STXBP5L: variants seen among roughly 807,000 people sequenced by gnomAD.
The protein encoded by STXBP5L is syntaxin-binding protein 5-like.
Under a neutral mutation model 144.5 loss-of-function variants are expected in STXBP5L, and 65 were observed. The ratio of observed to expected loss-of-function variants is 0.45; its 90% confidence interval spans 0.37 to 0.55. The LOEUF (loss-of-function observed/expected upper bound fraction) is 0.55. Among genes scored for constraint, STXBP5L ranks in the 20% least tolerant of loss-of-function variants. STXBP5L has a pLI of 0.00. For synonymous variants in STXBP5L, 505 were observed against 469.6 expected, an observed-to-expected ratio of 1.08 and a Z score of -0.97; for missense variants, 1,298 against 1,405.5, an observed-to-expected ratio of 0.92 and a Z score of 1.22.
At chr3:120,995,670 C>A (rs1315942160) in intron 3 of STXBP5L, among the ~76,000 whole-genome samples, 3 of 151,964 alleles carry the variant, frequency 2.0e-5, no homozygotes, top group Non-Finnish European at 4.4e-5. Flanking sequence ...GGAAACCTTA[C>A]TTCCACTTAA....
intron 7 of STXBP5L, among the ~76,000 whole-genome samples, chr3:121,151,318 T>A (rs1226221015): frequency 6.6e-6 from 1 of 152,340 alleles, no homozygotes; most frequent in East Asian, 1.9e-4. Context: ...CTCAATTTTT[T>A]GTCATTTTTA....
intron 13 of STXBP5L, among the ~76,000 whole-genome samples, chr3:121,239,448 A>C (rs1321377370): frequency 1.3e-5 from 2 of 150,994 alleles, no homozygotes; most frequent in Non-Finnish European, 2.9e-5. Context: ...TTTTAGATGA[A>C]AAAATATGTT....
chr3:121,216,093 A>G (rs537168036), intron 10 of STXBP5L, among the ~76,000 whole-genome samples: 1 of 152,218 alleles, frequency 6.6e-6, no homozygotes, highest in East Asian at 1.9e-4. Flanking sequence ...TAGTTCCTCT[A>G]ACCTTTTTTC....
intron 9 of STXBP5L, among the ~76,000 whole-genome samples, chr3:121,193,912 G>A (rs1027829704): frequency 6.6e-6 from 1 of 151,928 alleles, no homozygotes; most frequent in Non-Finnish European, 1.5e-5. Context: ...CATGGCACAT[G>A]TATACCTATG....
chr3:121,110,599 G>A (rs1448150544), intron 5 of STXBP5L, among the ~76,000 whole-genome samples: 1 of 152,174 alleles, frequency 6.6e-6, no homozygotes, highest in Non-Finnish European at 1.5e-5. Flanking sequence ...GAGGTCTGCT[G>A]TTAGTCTGAT....
chr3:121,298,968 T>C (rs1241862820), intron 19 of STXBP5L, among the ~76,000 whole-genome samples: 1 of 152,196 alleles, frequency 6.6e-6, no homozygotes, highest in Non-Finnish European at 1.5e-5. Context: ...TAAGTGTCTT[T>C]GGGGTTCTTC....
At chr3:121,270,852 T>A (rs1054060300) in intron 18 of STXBP5L, among the ~76,000 whole-genome samples, 2 of 152,182 alleles carry the variant, frequency 1.3e-5, no homozygotes, top group African/African-American at 4.8e-5. Context: ...ATGATGAGAG[T>A]AAATTAAGCA....
At chr3:121,346,430 A>T (rs1011337239) in intron 20 of STXBP5L, among the ~76,000 whole-genome samples, 1 of 152,066 alleles carries the variant, frequency 6.6e-6, no homozygotes, top group African/African-American at 2.4e-5. Context: ...ATGTGTCTTT[A>T]TAGCAGCATT....
intron 3 of STXBP5L, among the ~76,000 whole-genome samples, chr3:120,979,465 C>G (rs549306744): frequency 6.6e-6 from 1 of 152,174 alleles, no homozygotes; most frequent in Non-Finnish European, 1.5e-5. Flanking sequence ...CTTTCTTTGA[C>G]TAGGAAAGGG....
At chr3:121,195,159 C>T (rs147756388) in intron 9 of STXBP5L, among the ~76,000 whole-genome samples, 5,400 of 151,950 alleles carry the variant, frequency 0.036, 144 homozygotes, top group Middle Eastern at 0.082. Context: ...CTCTTGACCT[C>T]GTGATCTGCC....
intron 19 of STXBP5L, among the ~76,000 whole-genome samples, chr3:121,301,459 G>T (rs550001389): frequency 1.6e-4 from 25 of 152,270 alleles, no homozygotes; most frequent in African/African-American, 5.8e-4. Context: ...AGATGATGGG[G>T]TTCTCTAGCT....
At chr3:121,402,649 G>A (rs1298996831) in intron 22 of STXBP5L, among the ~76,000 whole-genome samples, 1 of 152,174 alleles carries the variant, frequency 6.6e-6, no homozygotes, top group Non-Finnish European at 1.5e-5. Flanking sequence ...AATATGGCTA[G>A]AGAAAAATAC....
chr3:121,011,762 T>C (rs140628869), intron 3 of STXBP5L, among the ~76,000 whole-genome samples: 1 of 151,772 alleles, frequency 6.6e-6, no homozygotes, highest in African/African-American at 2.4e-5. Context: ...ATTTGTTATA[T>C]CTTTTTTTTT....
At position 121,034,422 on chromosome 3, in the gene STXBP5L, G is replaced by A. The variant is rs186050845; in HGVS notation, c.288-7278G>A. On this transcript the variant is annotated intron_variant, in intron 3 of 26. Coordinates refer to ENST00000471454, the MANE Select transcript of STXBP5L (RefSeq NM_001308330.2). Reference sequence around the variant, plus strand: ...CTGAGTTGATCTAACTTAGGATAATGGCCTCTAATTCCATTTATGTTGCTG... The same window carrying A: ...CTGAGTTGATCTAACTTAGGATAATAGCCTCTAATTCCATTTATGTTGCTG... Among the ~76,000 whole-genome samples the A allele has an allele frequency of 3.9e-5, 6 of 152,098 alleles. No homozygotes were observed. In the East Asian group the frequency reaches 1.2e-3, roughly 29 times the overall value.
intron 5 of STXBP5L, among the ~76,000 whole-genome samples, chr3:121,060,429 T>G (rs1275177901): frequency 6.6e-6 from 1 of 152,136 alleles, no homozygotes; most frequent in African/African-American, 2.4e-5. Flanking sequence ...TGGCCTGAAA[T>G]TTTCCTTGTT....
chr3:120,945,656 G>A (rs1710810471), intron 2 of STXBP5L, among the ~76,000 whole-genome samples: 1 of 151,684 alleles, frequency 6.6e-6, no homozygotes, highest in Admixed American at 6.6e-5. Flanking sequence ...CTGAAGAGGC[G>A]AGAGTAAAAC....
At chr3:120,995,633 CA>C (rs1943283747) in intron 3 of STXBP5L, among the ~76,000 whole-genome samples, 1 of 151,940 alleles carries the variant, frequency 6.6e-6, no homozygotes, top group South Asian at 2.1e-4. Context: ...CAGTTATCAA[CA>C]TTTTTTTTTA....
rs540251722 is a variant in STXBP5L, at chr3:121,386,819, G to A, written c.2587+5287G>A. Among the ~76,000 whole-genome samples, 5 of 152,302 alleles carry A rather than the reference G, an allele frequency of 3.3e-5. No individual in the cohort carries two copies. In the East Asian group the frequency reaches 9.6e-4, roughly 29 times the overall value. ...CAGTCTGTCACCGATGGACATTTGG[G>A]TTGGTTCCAAGTCTTTGCTATTGTG... On this transcript the variant is annotated intron_variant, in intron 22 of 26. Transcript: ENST00000471454.
intron 19 of STXBP5L, among the ~76,000 whole-genome samples, chr3:121,309,277 G>C (rs2043446761): frequency 6.6e-6 from 1 of 151,894 alleles, no homozygotes; most frequent in African/African-American, 2.4e-5. Flanking sequence ...AGATTTAAAG[G>C]TGTAAATAGG....
Sources: allele counts gnomAD v4.1 joint callset (sites outside exome capture counted in the v4.1 genomes callset), GRCh38; gene constraint gnomAD v4.1.1; transcripts MANE v1.5; gene names NCBI Gene and HGNC (gene_info 2026-07-23, HGNC 2026-07-21).